Variants in MYO16 observed in about 807,000 individuals in gnomAD.
The protein encoded by MYO16 is unconventional myosin-XVI.
In MYO16, 94 loss-of-function variants were observed where a neutral mutation model predicts 205.3. That is an observed-to-expected ratio of 0.46 (90% CI 0.39 to 0.54). MYO16 has a LOEUF of 0.54. Ranked by LOEUF, MYO16 falls within the 20% of genes least tolerant of loss-of-function variation. MYO16 has a pLI of 0.00. For missense variants in MYO16, 2,315 were observed against 2,387.5 expected (o/e 0.97, Z 0.63); for synonymous variants, 988 against 954.0 (o/e 1.04, Z -0.66).
chr13:109,122,172 G>C (rs1876020458), intron 29 of MYO16, among the ~76,000 whole-genome samples: 1 of 152,178 alleles, frequency 6.6e-6, no homozygotes, highest in Non-Finnish European at 1.5e-5. Context: ...CTGGGACAGG[G>C]AGAGTCTCAT....
the MYO16 span, among the ~76,000 whole-genome samples, chr13:108,532,910 A>C: frequency 6.6e-6 from 1 of 152,186 alleles, no homozygotes; most frequent in Admixed American, 6.5e-5. Context: ...TTAGAAAGTG[A>C]GGTCCCTAAC....
intron 4 of MYO16, among the ~76,000 whole-genome samples, chr13:108,773,475 A>T (rs1566597909): frequency 6.6e-6 from 1 of 152,124 alleles, no homozygotes; most frequent in Non-Finnish European, 1.5e-5. Flanking sequence ...TGGTAGCCCC[A>T]GGTCTTCCTC....
chr13:109,168,200 AAC>A (rs1252666770), intron 33 of MYO16, among the ~76,000 whole-genome samples: 4 of 152,138 alleles, frequency 2.6e-5, no homozygotes, highest in African/African-American at 9.7e-5. Flanking sequence ...TAGATATGAA[AAC>A]ACATGTGAAA....
intron 7 of MYO16, among the ~76,000 whole-genome samples, chr13:108,816,863 G>A (rs769246545): frequency 6.6e-6 from 1 of 152,082 alleles, no homozygotes; most frequent in Non-Finnish European, 1.5e-5. Flanking sequence ...ATATAAAAAT[G>A]CAGATAGACT....
chr13:108,821,148 C>T (rs1321822766), intron 8 of MYO16, among the ~76,000 whole-genome samples: 2 of 151,992 alleles, frequency 1.3e-5, no homozygotes, highest in African/African-American at 4.8e-5. Flanking sequence ...ATCTGAATAA[C>T]TTTATAAATA....
At chr13:108,877,679 G>A (rs559431097) in intron 12 of MYO16, among the ~76,000 whole-genome samples, 8 of 152,074 alleles carry the variant, frequency 5.3e-5, no homozygotes, top group Non-Finnish European at 1.0e-4. Context: ...ATTTTTGCCC[G>A]AATTTGTATT....
At chr13:108,889,552 A>G (rs1880063151) in intron 14 of MYO16, among the ~76,000 whole-genome samples, 1 of 152,202 alleles carries the variant, frequency 6.6e-6, no homozygotes, top group Non-Finnish European at 1.5e-5. Flanking sequence ...GGGGGAACAG[A>G]CAGGACAGGA....
chr13:108,777,534 G>C (rs779730017), intron 4 of MYO16, among the ~76,000 whole-genome samples: 9 of 152,238 alleles, frequency 5.9e-5, no homozygotes, highest in Non-Finnish European at 1.2e-4. Context: ...CACGGAGGCT[G>C]GTTCTGGCAA....
chr13:109,008,099 G>T (rs1256488423), intron 21 of MYO16, among the ~76,000 whole-genome samples: 1 of 152,212 alleles, frequency 6.6e-6, no homozygotes, highest in Non-Finnish European at 1.5e-5. Context: ...ATAGTTAGAT[G>T]ATATGGTATC....
intron 4 of MYO16, among the ~76,000 whole-genome samples, chr13:108,744,082 C>G (rs1884988086): frequency 6.6e-6 from 1 of 152,184 alleles, no homozygotes; most frequent in African/African-American, 2.4e-5. Flanking sequence ...AAAATCCCGG[C>G]CAAGCACCTG....
chr13:108,865,210 A>G (rs1015847377), intron 11 of MYO16, among the ~76,000 whole-genome samples: 1 of 152,196 alleles, frequency 6.6e-6, no homozygotes, highest in Non-Finnish European at 1.5e-5. Flanking sequence ...TGTGGTAATT[A>G]CTACTTTAAA....
chr13:109,075,531 A>C (rs964204274), intron 27 of MYO16, among the ~76,000 whole-genome samples: 2 of 152,028 alleles, frequency 1.3e-5, no homozygotes, highest in African/African-American at 4.8e-5. Flanking sequence ...CTGGTACTAC[A>C]GGTGTGGCTA....
At chr13:108,641,484 G>A (rs1421397458) in intron 1 of MYO16, among the ~76,000 whole-genome samples, 3 of 152,178 alleles carry the variant, frequency 2.0e-5, no homozygotes, top group Non-Finnish European at 4.4e-5. Flanking sequence ...AGTCGTTGAA[G>A]TGGGCCAGCA....
chr13:108,521,299 A>C, the MYO16 span, among the ~76,000 whole-genome samples: 1 of 152,238 alleles, frequency 6.6e-6, no homozygotes, highest in Non-Finnish European at 1.5e-5. Context: ...TGTACTTCTT[A>C]AAGGGTGCCT....
At position 109,188,186 on chromosome 13, in the gene MYO16, A is replaced by G. The variant is rs972388979; in HGVS notation, c.5415+8553A>G. Among the ~76,000 whole-genome samples, 5 of 152,124 alleles carry G rather than the reference A, an allele frequency of 3.3e-5. No individual in the cohort carries two copies. In the South Asian group the frequency reaches 8.3e-4, roughly 25 times the overall value. Reference sequence around the variant, plus strand: ...ATTTTGTTCATTGTCTGCAAGGTATATTTTTTCATCCTTTACTTTTTAAAA... The same window carrying G: ...ATTTTGTTCATTGTCTGCAAGGTATGTTTTTTCATCCTTTACTTTTTAAAA... On this transcript the variant is annotated intron_variant, in intron 34 of 34. Transcript: ENST00000457511.
At chr13:108,749,469 C>T (rs1432146872) in intron 4 of MYO16, among the ~76,000 whole-genome samples, 1 of 152,166 alleles carries the variant, frequency 6.6e-6, no homozygotes, top group South Asian at 2.1e-4. Context: ...TCTTAACAGA[C>T]ACCTCAACCA....
At chr13:108,915,014 G>A (rs1297215151) in intron 16 of MYO16, among the ~76,000 whole-genome samples, 2 of 152,184 alleles carry the variant, frequency 1.3e-5, no homozygotes, top group Non-Finnish European at 2.9e-5. Flanking sequence ...AACTAAAAAT[G>A]TTGAAAGTAT....
intron 23 of MYO16, among the ~76,000 whole-genome samples, chr13:109,044,688 A>AC (rs1886983934): frequency 6.6e-6 from 1 of 152,190 alleles, no homozygotes; most frequent in Admixed American, 6.5e-5. Flanking sequence ...TGTAGAGATT[A>AC]CCCACACTAT....
At chr13:109,025,805 A>G (rs1048929892) in intron 23 of MYO16, among the ~76,000 whole-genome samples, 1 of 152,206 alleles carries the variant, frequency 6.6e-6, no homozygotes, top group African/African-American at 2.4e-5. Context: ...TTAAGTTCCT[A>G]AATTTTGATG....
Sources: allele counts gnomAD v4.1 joint callset (sites outside exome capture counted in the v4.1 genomes callset), GRCh38; gene constraint gnomAD v4.1.1; transcripts MANE v1.5; gene names NCBI Gene and HGNC (gene_info 2026-07-23, HGNC 2026-07-21).